The following RBM6 variants were observed in gnomAD, a reference collection of about 807,000 sequenced individuals.
The protein encoded by RBM6 is RNA binding motif protein 6, also known as RNA-binding protein 6.
A neutral mutation model predicts 140.4 loss-of-function variants in RBM6; 23 were observed. The observed-to-expected ratio is 0.16, with a 90% CI of 0.12 to 0.23. The LOEUF (loss-of-function observed/expected upper bound fraction) is 0.23. Among genes scored for constraint, RBM6 ranks in the 10% least tolerant of loss-of-function variants. The pLI is 1.00. For missense variants in RBM6, 1,139 were observed against 1,386.7 expected (o/e 0.82, Z 2.84); for synonymous variants, 439 against 475.6 (o/e 0.92, Z 1.00).
At chr3:49,976,168 C>T (rs546790523) in intron 5 of RBM6, among the ~76,000 whole-genome samples, 1 of 152,194 alleles carries the variant, frequency 6.6e-6, no homozygotes, top group African/African-American at 2.4e-5. Context: ...CATGAGTCTT[C>T]ACAGAACTTA....
intron 15 of RBM6, 75 bp downstream of exon 15, chr3:50,062,183 T>C (rs949127860): frequency 1.3e-6 from 2 of 1,504,008 alleles, no homozygotes; most frequent in Non-Finnish European, 1.8e-6. Context: ...AGAGGATATC[T>C]ATGTTTGCAA....
chr3:50,060,244 G>T (rs887628225), intron 11 of RBM6, among the ~76,000 whole-genome samples: 1 of 152,190 alleles, frequency 6.6e-6, no homozygotes, highest in African/African-American at 2.4e-5. Flanking sequence ...GGAAAATGCT[G>T]TCCTGGCTTT....
chr3:49,946,810 C>G (rs1181872166), intron 1 of RBM6, among the ~76,000 whole-genome samples: 1 of 150,772 alleles, frequency 6.6e-6, no homozygotes, highest in Admixed American at 6.6e-5. Context: ...GCTGGGATTA[C>G]AGGTGTGAGC....
At chr3:49,959,547 C>A (rs1269244650) in intron 1 of RBM6, among the ~76,000 whole-genome samples, 3 of 143,908 alleles carry the variant, frequency 2.1e-5, no homozygotes, top group African/African-American at 7.8e-5. Context: ...TTACAGAATT[C>A]TTGGTTGGCA....
At chr3:50,038,682 A>T (rs1047782493) in intron 6 of RBM6, among the ~76,000 whole-genome samples, 6 of 152,112 alleles carry the variant, frequency 3.9e-5, no homozygotes, top group Non-Finnish European at 1.5e-5. Flanking sequence ...ATACAAAAAA[A>T]ATCAGCCAGG....
chr3:49,948,717 GA>G (rs1298504771), intron 1 of RBM6, among the ~76,000 whole-genome samples: 5,598 of 108,242 alleles, frequency 0.052, 333 homozygotes, highest in African/African-American at 0.16. Context: ...TCTCAAAAAA[GA>G]AAAAAAAAAA....
At position 50,061,656 on chromosome 3, in the gene RBM6, C is replaced by G. The variant is rs947353409; in HGVS notation, c.2439+109C>G. 2.0e-6 allele frequency: 3 copies of G among 1,488,456 alleles called. No homozygotes were observed. The African/African-American group carries it at 4.5e-5, about 22-fold the overall frequency. The allele number at this position is 1,488,456 out of a possible 1,614,324, so 92.2% of individuals were successfully genotyped here. The stretch of plus-strand genomic sequence containing the variant: ...TTGAGGATTTTATTCCCTGGATTCT[C>G]TGGATGCTCATTGCATGAAAAGTGG... On this transcript the variant is annotated intron_variant, in intron 14 of 20. Coordinates refer to ENST00000266022, the MANE Select transcript of RBM6 (RefSeq NM_005777.3).
At chr3:50,030,595 A>C (rs2088100655) in intron 6 of RBM6, among the ~76,000 whole-genome samples, 1 of 152,198 alleles carries the variant, frequency 6.6e-6, no homozygotes, top group Non-Finnish European at 1.5e-5. Flanking sequence ...GGTTAGGATT[A>C]GATTTGGCTG....
At chr3:50,057,394 C>T (rs962204360) in intron 8 of RBM6, among the ~76,000 whole-genome samples, 3 of 152,002 alleles carry the variant, frequency 2.0e-5, no homozygotes, top group Non-Finnish European at 4.4e-5. Context: ...CGAGACCAGC[C>T]TGGCCAACAT....
chr3:49,956,736 G>C (rs2084009499), intron 1 of RBM6, among the ~76,000 whole-genome samples: 1 of 151,922 alleles, frequency 6.6e-6, no homozygotes, highest in Non-Finnish European at 1.5e-5. Context: ...CATAATCTCA[G>C]CTCACCGCAG....
At chr3:50,011,347 T>A (rs889785855) in intron 6 of RBM6, among the ~76,000 whole-genome samples, 2 of 152,210 alleles carry the variant, frequency 1.3e-5, no homozygotes, top group African/African-American at 4.8e-5. Context: ...ACTGGTTATG[T>A]AGTTTATGCT....
rs1008123268 is a variant in RBM6 at position 49,942,413 on chromosome 3, C to T, written c.-67+2188C>T. On this transcript the variant is annotated intron_variant, in intron 1 of 20. Transcript: ENST00000266022. ...CTGAGGCAGGAGAATGGTGTGAACC[C>T]GAGAGGCGGAGCTTGCAGTGAGCCG... is the stretch of plus-strand genomic sequence containing the variant. 4.0e-5 allele frequency among the ~76,000 whole-genome samples: 6 copies of T among 149,156 alleles called. No homozygotes were observed. In the Admixed American group the frequency reaches 4.1e-4, roughly 10 times the overall value.
chr3:50,014,107 G>C (rs1043681404), intron 6 of RBM6, among the ~76,000 whole-genome samples: 1 of 152,196 alleles, frequency 6.6e-6, no homozygotes, highest in Non-Finnish European at 1.5e-5. Flanking sequence ...GGATGACCTG[G>C]CTTGCCGTGG....
At chr3:50,032,700 CAG>C (rs1040642785) in intron 6 of RBM6, among the ~76,000 whole-genome samples, 4 of 151,082 alleles carry the variant, frequency 2.6e-5, no homozygotes, top group Non-Finnish European at 4.4e-5. Flanking sequence ...GAAATAGAGA[CAG>C]GGGGCCGGGC....
intron 1 of RBM6, among the ~76,000 whole-genome samples, chr3:49,956,326 C>T (rs1221261746): frequency 3.4e-5 from 5 of 145,940 alleles, no homozygotes; most frequent in South Asian, 2.1e-4. Flanking sequence ...CCCCCTCCCC[C>T]GCTTTTTTTT....
intron 1 of RBM6, among the ~76,000 whole-genome samples, chr3:49,945,122 G>A (rs984630876): frequency 2.7e-5 from 4 of 149,370 alleles, no homozygotes; most frequent in Non-Finnish European, 4.4e-5. Context: ...TGATCTGCCC[G>A]CCTTGGCCTC....
intron 5 of RBM6, among the ~76,000 whole-genome samples, chr3:49,991,281 C>T (rs1001745319): frequency 6.6e-6 from 1 of 152,170 alleles, no homozygotes; most frequent in Non-Finnish European, 1.5e-5. Context: ...GATGTATTCA[C>T]CAATCAGGAA....
At chr3:49,949,302 C>G (rs937040823) in intron 1 of RBM6, among the ~76,000 whole-genome samples, 1 of 151,810 alleles carries the variant, frequency 6.6e-6, no homozygotes, top group East Asian at 1.9e-4. Context: ...TACTTACCCC[C>G]TCTTACTTTA....
intron 1 of RBM6, among the ~76,000 whole-genome samples, chr3:49,947,451 T>G (rs2083546899): frequency 6.6e-6 from 1 of 151,948 alleles, no homozygotes; most frequent in African/African-American, 2.4e-5. Flanking sequence ...AAATTAGGTT[T>G]TTGTCTGTGT....
Sources: allele counts gnomAD v4.1 joint callset (sites outside exome capture counted in the v4.1 genomes callset), GRCh38; gene constraint gnomAD v4.1.1; transcripts MANE v1.5; gene names NCBI Gene and HGNC (gene_info 2026-07-23, HGNC 2026-07-21).